Variants in ARMC12 observed in about 807,000 individuals in gnomAD.
The protein encoded by ARMC12 is armadillo repeat-containing protein 12.
A neutral mutation model predicts 37.4 loss-of-function variants in ARMC12; 25 were observed. The ratio of observed to expected loss-of-function variants is 0.67; its 90% CI spans 0.49 to 0.93. The LOEUF (loss-of-function observed/expected upper bound fraction) is 0.93. ARMC12 is among the 40% of genes least tolerant of loss of function. The probability of loss-of-function intolerance (pLI) is 0.00; values close to 1 mark genes in which losing one functional copy is unlikely to be tolerated. For missense variants in ARMC12, 384 were observed against 426.6 expected, an observed-to-expected ratio of 0.90 and a Z score of 0.88; for synonymous variants, 167 against 176.1, an observed-to-expected ratio of 0.95 and a Z score of 0.41.
Position 35,748,636 on chromosome 6 carries a change from C to A in ARMC12, c.789C>A (p.Asn263Lys), listed in dbSNP as rs145998640. 6.2e-7 allele frequency: 1 copy of A among 1,612,422 alleles called. No homozygotes were observed. Among genetic ancestry groups the A allele is most frequent in the Non-Finnish European group, 8.5e-7 (1 of 1,179,068 alleles). ...VFAERLSEGRNAPHYHVVKWH... is the reference protein window; with the variant it reads ...VFAERLSEGRKAPHYHVVKWH... Reference sequence around the variant, plus strand: ...CTGAGCGGCTGAGTGAGGGCCGGAACGCACCCCACTACCACGTGGTGAAAT... The same window carrying A: ...CTGAGCGGCTGAGTGAGGGCCGGAAAGCACCCCACTACCACGTGGTGAAAT... The change falls in exon 6 of 6, where the codon AAC (asparagine) becomes AAA (lysine). Residue 263 changes from asparagine to lysine, a missense_variant. Physicochemically the swap from Asn to Lys is moderately conservative, Grantham distance 94 (BLOSUM62 0). Coordinates refer to ENST00000373866, the MANE Select transcript of ARMC12 (RefSeq NM_001286574.2).
intron 3 of ARMC12, among the ~76,000 whole-genome samples, chr6:35,745,811 C>T (rs542567205): frequency 2.6e-5 from 4 of 152,044 alleles, no homozygotes; most frequent in African/African-American, 7.2e-5. Context: ...TTTGGGAGGC[C>T]GAAGTGGGCA....
intron 3 of ARMC12, among the ~76,000 whole-genome samples, chr6:35,745,449 A>G (rs1259189620): frequency 6.6e-6 from 1 of 152,232 alleles, no homozygotes; most frequent in African/African-American, 2.4e-5. Flanking sequence ...GGAAAACACA[A>G]GTGGTTGCCT....
At chr6:35,741,201 A>T (rs988978203) in intron 3 of ARMC12, among the ~76,000 whole-genome samples, 71 of 152,142 alleles carry the variant, frequency 4.7e-4, no homozygotes, top group South Asian at 2.9e-3. Context: ...CATTGTTTCC[A>T]GGTGCTTGTC....
intron 3 of ARMC12, among the ~76,000 whole-genome samples, chr6:35,740,536 A>G (rs1006275150): frequency 2.0e-5 from 3 of 152,220 alleles, no homozygotes; most frequent in Non-Finnish European, 4.4e-5. Context: ...CAAATAAAAT[A>G]TGTAAAACTT....
At chr6:35,736,985 T>G, upstream of ARMC12, 2 of 1,448,194 alleles carry the variant, frequency 1.4e-6, no homozygotes, top group Non-Finnish European at 1.9e-6. Context: ...CCCAGTTTCC[T>G]TTGTTGCCTA....
intron 3 of ARMC12, among the ~76,000 whole-genome samples, chr6:35,741,844 GAAAC>G (rs1053211602): frequency 1.3e-5 from 2 of 152,044 alleles, no homozygotes; most frequent in Non-Finnish European, 2.9e-5. Flanking sequence ...AATAGATTGA[GAAAC>G]AAACAGAAAA....
chr6:35,734,210 A>G (rs1219752353), upstream of ARMC12, among the ~76,000 whole-genome samples: 1 of 152,174 alleles, frequency 6.6e-6, no homozygotes. Context: ...CCCAGGCTGG[A>G]GTGCAGTGGC....
At chr6:35,733,176 AAGAG>A (rs368837263), upstream of ARMC12, among the ~76,000 whole-genome samples, 27 of 152,028 alleles carry the variant, frequency 1.8e-4, no homozygotes, top group African/African-American at 5.3e-4. Context: ...CGTCTCAAAA[AAGAG>A]AGAGAGAGAA....
At chr6:35,748,459 G>A (rs1287328508) in intron 5 of ARMC12, 79 bp from the exon 6 acceptor site, 1 of 1,208,716 alleles carries the variant, frequency 8.3e-7, no homozygotes, top group Non-Finnish European at 1.1e-6. Flanking sequence ...GGGAGTTTAG[G>A]CAATAGGAAT....
upstream of ARMC12, among the ~76,000 whole-genome samples, chr6:35,733,663 G>T (rs1394015232): frequency 6.6e-6 from 1 of 152,140 alleles, no homozygotes; most frequent in Non-Finnish European, 1.5e-5. Context: ...ACACCACCAC[G>T]TCCAGCTAAT....
chr6:35,748,939 G>T lies in ARMC12; in HGVS notation c.*69G>T. 6.8e-7 allele frequency: 1 copy of T among 1,474,368 alleles called. No homozygotes were observed. Among genetic ancestry groups the T allele is most frequent in the Non-Finnish European group, 9.1e-7 (1 of 1,096,320 alleles). 91.3% of individuals were successfully genotyped at this position (1,474,368 alleles called of 1,614,324 possible). On this transcript the variant is annotated 3_prime_UTR_variant, in exon 6 of 6. Transcript: ENST00000373866. ...GTTTCTTGAAGCTCGAATGTCTGTT[G>T]GTGGCCTTCCAGGGCTGGGTGGAGA...
upstream of ARMC12, among the ~76,000 whole-genome samples, chr6:35,732,379 C>T (rs931903288): frequency 2.6e-5 from 4 of 152,230 alleles, no homozygotes; most frequent in Non-Finnish European, 5.9e-5. Context: ...TATCTCAGTC[C>T]TGACAGCGGC....
In ARMC12 at chr6:35,747,318, A is replaced by G; in HGVS notation, c.502A>G (p.Ile168Val). 3 of 1,613,856 alleles carry G rather than the reference A, an allele frequency of 1.9e-6. No individual in the cohort carries two copies. The highest frequency in any genetic ancestry group is 2.5e-6 in the Non-Finnish European group (3 of 1,180,026). Residue 168 changes from isoleucine (I) to valine (V), a missense_variant, in exon 4 of 6, where the codon ATT (isoleucine) becomes GTT (valine). Transcript: ENST00000373866. Reference sequence around the variant, plus strand: ...CACCATCTGGGACACGGAACTGCACATTGCGGGCCTCAGACTCCTCAACAA... The same window carrying G: ...CACCATCTGGGACACGGAACTGCACGTTGCGGGCCTCAGACTCCTCAACAA... ...ISTIWDTELH[I>V]AGLRLLNNLP...
At chr6:35,747,836 A>G (rs1767390319) in intron 5 of ARMC12, among the ~76,000 whole-genome samples, 189 bp downstream of exon 5, 1 of 152,124 alleles carries the variant, frequency 6.6e-6, no homozygotes, top group Admixed American at 6.5e-5. Context: ...TTTTATTGGG[A>G]GGGGGATCCC....
In ARMC12 at chr6:35,747,435, G is replaced by T; in HGVS notation, c.618+1G>T. ...GCAGTCAGACTACATCCTGGCACAG[G>T]TGCCTGAGGACCATGGCCAAGGCCC... On this transcript the variant is annotated splice_donor_variant, in intron 4 of 5. Coordinates refer to ENST00000373866, the MANE Select transcript of ARMC12 (RefSeq NM_001286574.2). LOFTEE classifies it high-confidence loss of function. The T allele has an allele frequency of 6.2e-7, 1 of 1,614,160 alleles. No homozygotes were observed. The highest frequency in any genetic ancestry group is 8.5e-7 in the Non-Finnish European group (1 of 1,180,034).
intron 3 of ARMC12, among the ~76,000 whole-genome samples, chr6:35,740,028 G>C (rs1053242962): frequency 6.6e-6 from 1 of 152,148 alleles, no homozygotes; most frequent in South Asian, 2.1e-4. Context: ...GACCAAAAAG[G>C]GTTGGTTTGC....
upstream of ARMC12, chr6:35,736,933 G>A: frequency 1.0e-6 from 1 of 954,162 alleles, no homozygotes; most frequent in Non-Finnish European, 1.5e-6. Flanking sequence ...AGCACTCCTG[G>A]CTGCCCCATT....
intron 1 of ARMC12, 68 bp downstream of exon 1, chr6:35,737,339 G>A (rs1397631610): frequency 6.2e-7 from 1 of 1,614,154 alleles, no homozygotes; most frequent in Non-Finnish European, 8.5e-7. Flanking sequence ...CCTCTGCTGT[G>A]GGAGGGCCCA....
chr6:35,731,548 C>T, the ARMC12 span, among the ~76,000 whole-genome samples: 1 of 152,130 alleles, frequency 6.6e-6, no homozygotes. Context: ...TCCTGGTGCC[C>T]TGGGCCCCTC....
Sources: allele counts gnomAD v4.1 joint callset (sites outside exome capture counted in the v4.1 genomes callset), GRCh38; gene constraint gnomAD v4.1.1; transcripts MANE v1.5; gene names NCBI Gene and HGNC (gene_info 2026-07-23, HGNC 2026-07-21).